Variants in USP33 observed in about 807,000 individuals in gnomAD.
The protein encoded by USP33 is ubiquitin specific peptidase 33.
In USP33, 46 loss-of-function variants were observed where a neutral mutation model predicts 124.2. That is an observed-to-expected ratio of 0.37 (90% CI 0.29 to 0.47). The LOEUF is 0.47. Among genes scored for constraint, USP33 ranks in the 20% least tolerant of loss-of-function variants. The pLI is 0.99. For missense variants in USP33, 851 were observed against 1,070.6 expected (o/e 0.79, Z 2.86); for synonymous variants, 350 against 352.3 (o/e 0.99, Z 0.07).
intron 7 of USP33, among the ~76,000 whole-genome samples, chr1:77,731,449 G>A (rs1288337333): frequency 1.3e-5 from 2 of 152,124 alleles, no homozygotes; most frequent in Non-Finnish European, 2.9e-5. Flanking sequence ...AAACTGATTA[G>A]GCAAAGGACC....
intron 11 of USP33, 148 bp from the exon 12 acceptor site, chr1:77,723,591 C>A: frequency 1.7e-6 from 1 of 597,508 alleles, no homozygotes; most frequent in Non-Finnish European, 2.9e-6. Flanking sequence ...TTTCAAAATA[C>A]TCTTCAAAAG....
intron 22 of USP33, among the ~76,000 whole-genome samples, chr1:77,699,759 ACTATT>A (rs1351187247): frequency 6.6e-6 from 1 of 152,240 alleles, no homozygotes. Flanking sequence ...TCATGGCAGC[ACTATT>A]CACAATAGCA....
Position 77,721,813 on chromosome 1 carries a change from A to G in USP33, c.1657+18T>C, listed in dbSNP as rs1184481772. The stretch of plus-strand genomic sequence containing the variant: ...GATTTACCTACAAAAATTTAGCCAT[A>G]GATATTATATTTCTTACCTTTTAGT... On this transcript the variant is annotated intron_variant, in intron 14 of 23. Coordinates refer to ENST00000370794, the MANE Select transcript of USP33 (RefSeq NM_201624.3). 1.3e-6 allele frequency: 2 copies of G among 1,591,802 alleles called. No homozygotes were observed. The highest frequency in any genetic ancestry group is 1.7e-6 in the Non-Finnish European group (2 of 1,172,662).
chr1:77,752,140 AT>A lies in USP33; in HGVS notation c.-52+7502del, dbSNP rs113780334. 2.5e-3 allele frequency among the ~76,000 whole-genome samples: 354 copies of A among 139,656 alleles called. 1 individual carries two copies. Among genetic ancestry groups the A allele is most frequent in the African/African-American group, 5.2e-3 (200 of 38,370 alleles). 91.6% of individuals were successfully genotyped at this position (139,656 alleles called of 152,430 possible). A position where few individuals can be genotyped will look rare whatever the true frequency, so the allele number is the denominator to read the frequency against. On this transcript the variant is annotated intron_variant, in intron 1 of 23. Coordinates refer to ENST00000370794, the MANE Select transcript of USP33 (RefSeq NM_201624.3). Reference sequence around the variant, plus strand: ...TATAGGGAACCATGTTATTAGTACAATTTTTTTTTTTTTTGAGACAGAATTT... The same window carrying A: ...TATAGGGAACCATGTTATTAGTACAATTTTTTTTTTTTTGAGACAGAATTT...
chr1:77,719,368 A>T (rs559666453), intron 15 of USP33, among the ~76,000 whole-genome samples: 9 of 152,198 alleles, frequency 5.9e-5, no homozygotes, highest in Non-Finnish European at 1.0e-4. Flanking sequence ...AAAAAATAAC[A>T]ATAGTAATTT....
chr1:77,727,163 A>G (rs1404858568), intron 10 of USP33, among the ~76,000 whole-genome samples: 1 of 152,154 alleles, frequency 6.6e-6, no homozygotes, highest in African/African-American at 2.4e-5. Flanking sequence ...GGAGTTGGCA[A>G]TTTTTTCCTC....
At chr1:77,736,289 T>C (rs967128482) in intron 5 of USP33, 131 bp from the exon 6 acceptor site, 19 of 533,880 alleles carry the variant, frequency 3.6e-5, no homozygotes, top group Middle Eastern at 5.1e-4. Context: ...CCATAAGAAT[T>C]TGTGGTATTA....
At chr1:77,723,926 A>G (rs1320156143) in intron 11 of USP33, among the ~76,000 whole-genome samples, 1 of 151,654 alleles carries the variant, frequency 6.6e-6, no homozygotes, top group Non-Finnish European at 1.5e-5. Flanking sequence ...AGCCTCCCAA[A>G]GTACTGAGAT....
At chr1:77,757,843 G>A (rs939531225) in intron 1 of USP33, among the ~76,000 whole-genome samples, 3 of 152,258 alleles carry the variant, frequency 2.0e-5, no homozygotes, top group Admixed American at 1.3e-4. Context: ...CTTGGCATTC[G>A]GAGCTCAGAG....
rs1168957983 is a variant in USP33, at chr1:77,717,949, C to T, written c.1836G>A (p.Gln612=). 1 of 1,613,952 alleles carries T rather than the reference C, an allele frequency of 6.2e-7. No individual in the cohort carries two copies. The highest frequency in any genetic ancestry group is 1.7e-5 in the Admixed American group (1 of 60,008). ...CTGGACTATCCTTAGCAAGAAATGG[C>T]TGAAGATCCAAGCCTTCTAGCGGAA... ...VSFPLEGLDL[Q]PFLAKDSPAQ... The change falls in exon 17 of 24, where the codon CAG becomes CAA. Residue 612 remains glutamine (Q), a synonymous_variant. Coordinates refer to ENST00000370794, the MANE Select transcript of USP33 (RefSeq NM_201624.3).
intron 21 of USP33, among the ~76,000 whole-genome samples, chr1:77,711,224 T>C (rs2101257795): frequency 6.6e-6 from 1 of 150,670 alleles, no homozygotes. Context: ...TGTCAATCCA[T>C]AAAAGCAAAA....
At chr1:77,733,207 A>C (rs1309383812) in intron 7 of USP33, among the ~76,000 whole-genome samples, 1 of 152,194 alleles carries the variant, frequency 6.6e-6, no homozygotes, top group Non-Finnish European at 1.5e-5. Context: ...CAGCCTAGGC[A>C]ACAAGGTGAA....
intron 1 of USP33, among the ~76,000 whole-genome samples, chr1:77,748,441 CGGG>C: frequency 6.6e-6 from 1 of 152,062 alleles, no homozygotes; most frequent in Admixed American, 6.5e-5. Context: ...GAGGCTGAGG[CGGG>C]TGGATCACAA....
chr1:77,742,302 A>T (rs1187822727), intron 1 of USP33, among the ~76,000 whole-genome samples: 2 of 152,152 alleles, frequency 1.3e-5, no homozygotes, highest in Non-Finnish European at 2.9e-5. Context: ...ATTGACACTT[A>T]GGGCCAGATA....
At chr1:77,717,725 G>T (rs1676086553) in intron 17 of USP33, 142 bp downstream of exon 17, 1 of 578,090 alleles carries the variant, frequency 1.7e-6, no homozygotes, top group Non-Finnish European at 2.7e-6. Flanking sequence ...GCCCAAGCTG[G>T]TCTCAAACTC....
intron 1 of USP33, among the ~76,000 whole-genome samples, chr1:77,757,902 A>G (rs1680949958): frequency 6.6e-6 from 1 of 152,228 alleles, no homozygotes; most frequent in Admixed American, 6.5e-5. Context: ...GGTCACAGAA[A>G]ATTCTAATAC....
At chr1:77,725,904 C>G in intron 10 of USP33, 142 bp from the exon 11 acceptor site, 1 of 844,242 alleles carries the variant, frequency 1.2e-6, no homozygotes, top group Non-Finnish European at 1.7e-6. Context: ...AAAGTGCTTA[C>G]TAAGCAAAAT....
At chr1:77,718,800 A>G in intron 15 of USP33, 159 bp from the exon 16 acceptor site, 1 of 571,224 alleles carries the variant, frequency 1.8e-6, no homozygotes, top group African/African-American at 1.9e-5. Flanking sequence ...ATGGTGGCAC[A>G]TGCCTGTAGT....
Position 77,739,388 on chromosome 1 carries a change from A to T in USP33, c.228T>A (p.Leu76=), listed in dbSNP as rs199663340. Residue 76 remains leucine, a synonymous_variant, in exon 5 of 24, where the codon CTT becomes CTA. Coordinates refer to ENST00000370794, the MANE Select transcript of USP33 (RefSeq NM_201624.3). ...QETKHYLTVN[L]TTLRVWCYAC... is the part of the protein sequence containing the mutation. ...CATAACACCATACTCGAAGAGTGGT[A>T]AGGTTCACAGTTAGATAATGCTTTG... 5.0e-4 allele frequency: 806 copies of T among 1,612,992 alleles called. No individual in the cohort carries two copies. The highest frequency in any genetic ancestry group is 6.6e-4 in the Non-Finnish European group (776 of 1,179,608).
Sources: allele counts gnomAD v4.1 joint callset (sites outside exome capture counted in the v4.1 genomes callset), GRCh38; gene constraint gnomAD v4.1.1; transcripts MANE v1.5; gene names NCBI Gene and HGNC (gene_info 2026-07-23, HGNC 2026-07-21).